The following GRAMD1B variants were observed in gnomAD, a reference collection of about 807,000 sequenced individuals.
GRAMD1B encodes the protein protein Aster-B.
In GRAMD1B, 37 loss-of-function variants were observed where a neutral mutation model predicts 99.7. The observed-to-expected ratio is 0.37, with a 90% CI of 0.29 to 0.49. The LOEUF (loss-of-function observed/expected upper bound fraction) is 0.49. Among genes scored for constraint, GRAMD1B ranks in the 20% least tolerant of loss-of-function variants. GRAMD1B has a pLI of 0.98. For synonymous variants in GRAMD1B, 427 were observed against 387.6 expected (o/e 1.10, Z -1.19); for missense variants, 888 against 1,009.2 (o/e 0.88, Z 1.63).
intron 1 of GRAMD1B, among the ~76,000 whole-genome samples, chr11:123,467,394 CTTT>C (rs11447711): frequency 1.9e-5 from 2 of 103,340 alleles, no homozygotes; most frequent in Non-Finnish European, 3.6e-5. Flanking sequence ...TTTTCAACAC[CTTT>C]TTTTTTTTTT....
intron 1 of GRAMD1B, among the ~76,000 whole-genome samples, chr11:123,388,441 G>A (rs1032058197): frequency 6.6e-6 from 1 of 152,026 alleles, no homozygotes; most frequent in Admixed American, 6.6e-5. Flanking sequence ...GGGAGGCTGA[G>A]GCAGGCAGAT....
intron 1 of GRAMD1B, among the ~76,000 whole-genome samples, chr11:123,436,626 A>AACTACTTTCTGCTGTTCC (rs1251818424): frequency 6.6e-6 from 1 of 152,176 alleles, no homozygotes; most frequent in Non-Finnish European, 1.5e-5. Context: ...TGCTCGAGGC[A>AACTACTTTCTGCTGTTCC]ACTACTTTCT....
intron 2 of GRAMD1B, among the ~76,000 whole-genome samples, chr11:123,519,739 A>C (rs12799466): frequency 0.19 from 28,251 of 152,214 alleles, 2,917 homozygotes; most frequent in Admixed American, 0.26. Context: ...CTAGAAGGAG[A>C]GCTTCAGGGA....
chr11:123,501,920 C>T (rs1939907408), intron 2 of GRAMD1B, among the ~76,000 whole-genome samples: 1 of 152,230 alleles, frequency 6.6e-6, no homozygotes, highest in Non-Finnish European at 1.5e-5. Flanking sequence ...GTTTCACTCT[C>T]ATGCCCAAGC....
At chr11:123,478,039 C>T (rs577856078) in intron 1 of GRAMD1B, among the ~76,000 whole-genome samples, 4 of 152,228 alleles carry the variant, frequency 2.6e-5, no homozygotes, top group South Asian at 2.1e-4. Flanking sequence ...GTGATCCACC[C>T]GCCTCGCCTC....
chr11:123,612,733 C>G, intron 14 of GRAMD1B, 28 bp from the exon 15 acceptor site: 1 of 1,315,402 alleles, frequency 7.6e-7, no homozygotes, highest in Non-Finnish European at 1.1e-6. Flanking sequence ...CAGGAAATGA[C>G]TGATCTTGTG....
At chr11:123,596,867 G>A (rs1951336761) in intron 7 of GRAMD1B, among the ~76,000 whole-genome samples, 1 of 152,094 alleles carries the variant, frequency 6.6e-6, no homozygotes, top group Admixed American at 6.6e-5. Context: ...TGCCTTCCTG[G>A]GCTGCCCTAG....
At chr11:123,490,643 G>A (rs970553025) in intron 2 of GRAMD1B, among the ~76,000 whole-genome samples, 3 of 152,204 alleles carry the variant, frequency 2.0e-5, no homozygotes. Flanking sequence ...GAGATAAAAT[G>A]TCCAGGGCTT....
At chr11:123,545,891 C>T (rs896412870) in intron 2 of GRAMD1B, among the ~76,000 whole-genome samples, 1 of 152,204 alleles carries the variant, frequency 6.6e-6, no homozygotes, top group Non-Finnish European at 1.5e-5. Context: ...TGAGCCCAGG[C>T]TAGTCCTCAG....
chr11:123,465,995 G>T (rs1447881758), intron 1 of GRAMD1B, among the ~76,000 whole-genome samples: 1 of 152,052 alleles, frequency 6.6e-6, no homozygotes, highest in African/African-American at 2.4e-5. Flanking sequence ...AAAGATTTGG[G>T]CTGGGCATGG....
chr11:123,622,788 C>T lies in GRAMD1B; in HGVS notation c.*193C>T, dbSNP rs993386526. 1.7e-5 allele frequency: 3 copies of T among 179,320 alleles called. No individual in the cohort carries two copies. The highest frequency in any genetic ancestry group is 1.4e-4 in the East Asian group (1 of 6,902). 11.1% of individuals were successfully genotyped at this position (179,320 alleles called of 1,614,324 possible). ...CCGCGCCCTGTGCTGGCCGGAGCAG[C>T]GTTTTCTTATGGTGGAGCAGCTGAG... On this transcript the variant is annotated 3_prime_UTR_variant, in exon 20 of 20. Transcript: ENST00000635736.
At chr11:123,598,843 G>C (rs1951604361) in intron 7 of GRAMD1B, 1 of 1,358,124 alleles carries the variant, frequency 7.4e-7, no homozygotes, top group African/African-American at 1.4e-5. Context: ...TTCTGATCTT[G>C]GAGAGGCTTC....
At chr11:123,522,237 C>T (rs934335516) in intron 2 of GRAMD1B, among the ~76,000 whole-genome samples, 2 of 152,296 alleles carry the variant, frequency 1.3e-5, no homozygotes, top group East Asian at 1.9e-4. Context: ...AACATTTTTC[C>T]GTCTCACTTG....
intron 1 of GRAMD1B, among the ~76,000 whole-genome samples, chr11:123,393,906 A>G (rs1040365651): frequency 2.0e-5 from 3 of 152,190 alleles, no homozygotes; most frequent in African/African-American, 7.2e-5. Context: ...GAGTAAACCT[A>G]TAACCTCTGA....
At chr11:123,534,967 C>A (rs1440091101) in intron 2 of GRAMD1B, among the ~76,000 whole-genome samples, 1 of 152,136 alleles carries the variant, frequency 6.6e-6, no homozygotes, top group Non-Finnish European at 1.5e-5. Context: ...GCTGAGCAGC[C>A]TGGTCAGGAC....
At chr11:123,564,098 C>T (rs551030119) in intron 2 of GRAMD1B, among the ~76,000 whole-genome samples, 1 of 152,330 alleles carries the variant, frequency 6.6e-6, no homozygotes, top group South Asian at 2.1e-4. Flanking sequence ...GGACATGTGG[C>T]GTGTCACAAC....
At position 123,576,065 on chromosome 11, in the gene GRAMD1B, C is replaced by T. The variant is rs572478079; in HGVS notation, c.453-1302C>T. Among the ~76,000 whole-genome samples the T allele has an allele frequency of 3.7e-4, 56 of 152,268 alleles. 1 individual carries two copies. The highest frequency in any genetic ancestry group is 2.5e-3 in the South Asian group (12 of 4,812). On this transcript the variant is annotated intron_variant, in intron 2 of 19. Transcript: ENST00000635736. ...CCCCAGCTCCCCTCCTGCCCACACT[C>T]GCTGGTTTAGGCTCTTGGGATTTGT...
At chr11:123,421,088 T>G (rs1948418142) in intron 1 of GRAMD1B, among the ~76,000 whole-genome samples, 1 of 152,234 alleles carries the variant, frequency 6.6e-6, no homozygotes, top group East Asian at 1.9e-4. Flanking sequence ...TAGTAAGTAG[T>G]GATGTTCTTG....
intron 1 of GRAMD1B, among the ~76,000 whole-genome samples, chr11:123,359,223 C>T (rs928893169): frequency 3.9e-5 from 6 of 152,040 alleles, no homozygotes; most frequent in African/African-American, 1.4e-4. Flanking sequence ...ACTGGCTTCC[C>T]TTGTTCTGGG....
Sources: allele counts gnomAD v4.1 joint callset (sites outside exome capture counted in the v4.1 genomes callset), GRCh38; gene constraint gnomAD v4.1.1; transcripts MANE v1.5; gene names NCBI Gene and HGNC (gene_info 2026-07-23, HGNC 2026-07-21).